Variants in RGS17 observed in about 807,000 individuals in gnomAD.
RGS17 encodes the protein regulator of G protein signaling 17.
In RGS17, 12 loss-of-function variants were observed where a neutral mutation model predicts 25.5. That is an observed-to-expected ratio of 0.47 (90% CI 0.30 to 0.76). RGS17 has a LOEUF of 0.76. Ranked by LOEUF, RGS17 falls within the 30% of genes least tolerant of loss-of-function variation. RGS17 has a pLI of 0.07. For synonymous variants in RGS17, 71 were observed against 76.9 expected (o/e 0.92, Z 0.40); for missense variants, 196 against 242.2 (o/e 0.81, Z 1.27).
chr6:153,087,620 GCTTTCCATTTCCC>G (rs1304809902), intron 1 of RGS17, among the ~76,000 whole-genome samples: 1 of 152,146 alleles, frequency 6.6e-6, no homozygotes, highest in Non-Finnish European at 1.5e-5. Context: ...GCTTTTTTGA[GCTTTCCATTTCCC>G]CTTTCTGAAA....
chr6:153,038,005 A>G (rs568559035), intron 2 of RGS17, among the ~76,000 whole-genome samples: 1 of 152,266 alleles, frequency 6.6e-6, no homozygotes, highest in South Asian at 2.1e-4. Flanking sequence ...GCACCAGTCT[A>G]TTACCAAGGT....
At chr6:153,077,131 T>C (rs1776894131) in intron 1 of RGS17, among the ~76,000 whole-genome samples, 1 of 152,178 alleles carries the variant, frequency 6.6e-6, no homozygotes, top group Admixed American at 6.5e-5. Context: ...GTATTTAACT[T>C]GAATATCACC....
chr6:153,077,879 A>ATT (rs149812866), intron 1 of RGS17, among the ~76,000 whole-genome samples: 1 of 147,182 alleles, frequency 6.8e-6, no homozygotes, highest in Non-Finnish European at 1.5e-5. Context: ...TATCTTTTTT[A>ATT]TTTTTTTTTT....
At chr6:153,121,023 CT>C (rs1156417040) in intron 1 of RGS17, among the ~76,000 whole-genome samples, 1 of 151,420 alleles carries the variant, frequency 6.6e-6, no homozygotes, top group African/African-American at 2.4e-5. Context: ...ACATATAGGT[CT>C]TATCTCTTTA....
intron 1 of RGS17, among the ~76,000 whole-genome samples, chr6:153,100,542 A>G (rs1777285180): frequency 2.6e-5 from 1 of 38,772 alleles, no homozygotes; most frequent in Non-Finnish European, 4.3e-5. Flanking sequence ...CTAAAAAGAA[A>G]AAGAAAAAAA....
intron 2 of RGS17, among the ~76,000 whole-genome samples, chr6:153,042,900 C>T (rs184980943): frequency 1.3e-5 from 2 of 152,240 alleles, no homozygotes; most frequent in Non-Finnish European, 2.9e-5. Context: ...AGAGATGACT[C>T]CAACATATGG....
intron 4 of RGS17, among the ~76,000 whole-genome samples, chr6:153,013,137 G>A (rs889662761): frequency 6.6e-6 from 1 of 152,156 alleles, no homozygotes; most frequent in African/African-American, 2.4e-5. Context: ...CAAGGAAGTC[G>A]ACTGGCACCA....
At chr6:153,083,727 A>T (rs1271919349) in intron 1 of RGS17, among the ~76,000 whole-genome samples, 1 of 152,210 alleles carries the variant, frequency 6.6e-6, no homozygotes, top group Non-Finnish European at 1.5e-5. Context: ...ATTTAAACAG[A>T]GGAGCCTTAT....
At chr6:153,045,918 A>G (rs1483085257) in intron 1 of RGS17, among the ~76,000 whole-genome samples, 1 of 152,216 alleles carries the variant, frequency 6.6e-6, no homozygotes, top group Non-Finnish European at 1.5e-5. Flanking sequence ...TATTCACAAT[A>G]GCCAAGATAT....
chr6:153,113,214 T>G (rs1000623251), intron 1 of RGS17, among the ~76,000 whole-genome samples: 2 of 148,798 alleles, frequency 1.3e-5, no homozygotes, highest in African/African-American at 5.0e-5. Context: ...AAGCTGAAAA[T>G]AAAGGAATGG....
intron 4 of RGS17, among the ~76,000 whole-genome samples, chr6:153,013,993 C>T (rs564990062): frequency 6.6e-6 from 1 of 152,156 alleles, no homozygotes; most frequent in Non-Finnish European, 1.5e-5. Context: ...ATGGAGGTGG[C>T]TACACTAAAC....
chr6:153,076,479 G>A (rs541493850), intron 1 of RGS17, among the ~76,000 whole-genome samples: 28 of 152,072 alleles, frequency 1.8e-4, no homozygotes, highest in Non-Finnish European at 2.8e-4. Context: ...CGGCAGTAGC[G>A]ATGAACATAT....
intron 1 of RGS17, among the ~76,000 whole-genome samples, chr6:153,083,660 T>C (rs1777013014): frequency 6.6e-6 from 1 of 152,200 alleles, no homozygotes; most frequent in Non-Finnish European, 1.5e-5. Flanking sequence ...AATACCACTT[T>C]ATGGCTTGGA....
At chr6:153,026,798 C>T (rs1386121675) in intron 2 of RGS17, among the ~76,000 whole-genome samples, 1 of 151,990 alleles carries the variant, frequency 6.6e-6, no homozygotes, top group Non-Finnish European at 1.5e-5. Context: ...TGACTTCATC[C>T]TTACATAATC....
intron 1 of RGS17, among the ~76,000 whole-genome samples, chr6:153,081,470 G>T (rs1447517676): frequency 6.6e-6 from 1 of 151,534 alleles, no homozygotes; most frequent in Non-Finnish European, 1.5e-5. Context: ...TATATTTTAA[G>T]TGAGTATTTT....
chr6:153,097,290 ATTTTTTTTTTT>A (rs3083488), intron 1 of RGS17, among the ~76,000 whole-genome samples: 15 of 88,296 alleles, frequency 1.7e-4, no homozygotes, highest in African/African-American at 6.0e-4. Flanking sequence ...CGTTTTTTTG[ATTTTTTTTTTT>A]TTTTTTTTTT....
chr6:153,067,476 T>A (rs570461742), intron 1 of RGS17, among the ~76,000 whole-genome samples: 1 of 151,912 alleles, frequency 6.6e-6, no homozygotes, highest in South Asian at 2.1e-4. Context: ...GTGTATAAAA[T>A]CAACATAGAA....
chr6:153,077,734 T>C (rs1776903931), intron 1 of RGS17, among the ~76,000 whole-genome samples: 1 of 152,200 alleles, frequency 6.6e-6, no homozygotes, highest in South Asian at 2.1e-4. Flanking sequence ...AAATTGTAGC[T>C]ACTTAGAATT....
At chr6:153,036,121 A>G (rs1776236408) in intron 2 of RGS17, among the ~76,000 whole-genome samples, 1 of 152,094 alleles carries the variant, frequency 6.6e-6, no homozygotes, top group African/African-American at 2.4e-5. Flanking sequence ...TCATGTGATC[A>G]TGGCTCACTG....
Sources: allele counts gnomAD v4.1 joint callset (sites outside exome capture counted in the v4.1 genomes callset), GRCh38; gene constraint gnomAD v4.1.1; transcripts MANE v1.5; gene names NCBI Gene and HGNC (gene_info 2026-07-23, HGNC 2026-07-21).